The following FGF14 variants were observed in gnomAD, a reference collection of about 807,000 sequenced individuals.
FGF14 encodes fibroblast growth factor 14, also known as fibroblast growth factor homologous factor 4.
FGF14 carries 5 observed loss-of-function variants against 25.5 expected under a neutral mutation model. That is an observed-to-expected ratio of 0.20 (90% CI 0.10 to 0.41). FGF14 has a LOEUF of 0.41. FGF14 is among the 10% of genes least tolerant of loss of function. FGF14 has a pLI of 1.00. For missense variants in FGF14, 222 were observed against 320.1 expected (o/e 0.69, Z 2.34); for synonymous variants, 138 against 118.3 (o/e 1.17, Z -1.08).
rs576244320 is a variant in FGF14, at chr13:101,933,112, A to G, written c.209-57816T>C. ...TGAATTAATTTCAGTAAAGTTAGTG[A>G]TATTTTATATATTCTGTTCTTAATA... On this transcript the variant is annotated intron_variant, in intron 1 of 4. Coordinates refer to the FGF14 transcript ENST00000376131. Among the ~76,000 whole-genome samples the G allele has an allele frequency of 1.1e-4, 16 of 152,314 alleles. No individual in the cohort carries two copies. In the South Asian group the frequency reaches 3.3e-3, roughly 32 times the overall value.
rs188162047 is a variant in FGF14 at position 102,036,683 on chromosome 13, A to G, written c.209-161387T>C. ...ACAGAAGGAGGAGGAGAAGAAGGAG[A>G]AGGAGGAGGATGAGGAGGAGGACGA... On this transcript the variant is annotated intron_variant, in intron 1 of 4. Coordinates refer to the FGF14 transcript ENST00000376131. Among the ~76,000 whole-genome samples the G allele has an allele frequency of 3.2e-3, 479 of 152,046 alleles. 4 individuals carry two copies. The highest frequency in any genetic ancestry group is 7.3e-3 in the South Asian group (35 of 4,822).
At position 102,169,392 on chromosome 13, in the gene FGF14, C is replaced by T. The variant is rs1044794177; in HGVS notation, c.208+232079G>A. On this transcript the variant is annotated intron_variant, in intron 1 of 4. Transcript: ENST00000376131. ...TCAGGCAGCCAATTTCTTTCATGCC[C>T]CTGAGGACAGGACCCAGACTAGAAC... 7.9e-5 allele frequency among the ~76,000 whole-genome samples: 12 copies of T among 152,026 alleles called. No individual in the cohort carries two copies. The South Asian group carries it at 1.0e-3, about 13-fold the overall frequency.
intron 1 of FGF14, among the ~76,000 whole-genome samples, chr13:102,347,360 A>G (rs1401897273): frequency 1.3e-5 from 2 of 152,124 alleles, no homozygotes; most frequent in South Asian, 2.1e-4. Flanking sequence ...GTCCTAAAGG[A>G]GATATGCAGG....
intron 3 of FGF14, among the ~76,000 whole-genome samples, chr13:101,728,964 T>C (rs1204586321): frequency 6.6e-6 from 1 of 152,036 alleles, no homozygotes. Context: ...ATTGTCTCCA[T>C]TATGAATTCA....
At chr13:101,833,649 G>C (rs1263516342) in intron 3 of FGF14, among the ~76,000 whole-genome samples, 1 of 151,992 alleles carries the variant, frequency 6.6e-6, no homozygotes, top group Non-Finnish European at 1.5e-5. Context: ...GTATACATAT[G>C]CATATGTGTG....
rs144913857 is a variant in FGF14 at position 102,067,952 on chromosome 13, A to G, written c.209-192656T>C. Among the ~76,000 whole-genome samples the G allele has an allele frequency of 5.7e-4, 87 of 152,290 alleles. No individual in the cohort carries two copies. The Middle Eastern group carries it at 0.014, about 24-fold the overall frequency. On this transcript the variant is annotated intron_variant, in intron 1 of 4. Transcript: ENST00000376131. The stretch of plus-strand genomic sequence containing the variant: ...ACATAACATACAATAGCACTCCAAT[A>G]CGTCTGGCAGCAGACTTCTCAGTGG...
intron 1 of FGF14, among the ~76,000 whole-genome samples, chr13:101,975,680 G>A (rs1287867567): frequency 3.3e-5 from 5 of 152,142 alleles, no homozygotes; most frequent in East Asian, 1.9e-4. Context: ...TTGCAAAGTC[G>A]TTCCCGCTGA....
intron 3 of FGF14, among the ~76,000 whole-genome samples, chr13:101,751,926 C>A (rs569212702): frequency 5.9e-5 from 9 of 151,766 alleles, no homozygotes; most frequent in Non-Finnish European, 1.2e-4. Context: ...CAAAACAAAA[C>A]AAAAACAAAC....
At chr13:102,329,060 C>T (rs188067356) in intron 1 of FGF14, among the ~76,000 whole-genome samples, 13 of 152,262 alleles carry the variant, frequency 8.5e-5, no homozygotes, top group African/African-American at 2.9e-4. Context: ...TCTGTACATC[C>T]TCCTCTCTGG....
intron 1 of FGF14, among the ~76,000 whole-genome samples, chr13:102,368,812 T>C (rs2057790610): frequency 2.0e-5 from 3 of 152,242 alleles, no homozygotes; most frequent in Admixed American, 6.5e-5. Flanking sequence ...ATCAGGTCTT[T>C]TGTCCCATGA....
Position 101,714,448 on chromosome 13 carries a change from T to C in FGF14, c.*8383A>G, listed in dbSNP as rs374252386. 18 of 1,600,382 alleles carry C rather than the reference T, an allele frequency of 1.1e-5. No homozygotes were observed. The highest frequency in any genetic ancestry group is 2.7e-5 in the African/African-American group (2 of 74,700). ...CCTTTGTAATTTCAGGTTCTTGTCA[T>C]TGTGGGAAGTGCATTTGTTCTGCTG... On this transcript the variant is annotated 3_prime_UTR_variant, in exon 5 of 5. Transcript: ENST00000376143.
intron 3 of FGF14, among the ~76,000 whole-genome samples, chr13:101,854,918 C>T (rs1170339504): frequency 6.6e-6 from 1 of 151,886 alleles, no homozygotes; most frequent in Non-Finnish European, 1.5e-5. Context: ...GCAGGAAAAT[C>T]CCTTAACTAT....
At position 102,067,183 on chromosome 13, in the gene FGF14, A is replaced by C. The variant is rs147053587; in HGVS notation, c.209-191887T>G. 2.8e-3 allele frequency among the ~76,000 whole-genome samples: 420 copies of C among 152,292 alleles called. 1 individual carries two copies. Among genetic ancestry groups the C allele is most frequent in the Non-Finnish European group, 4.7e-3 (319 of 68,018 alleles). On this transcript the variant is annotated intron_variant, in intron 1 of 4. Transcript: ENST00000376131. The stretch of plus-strand genomic sequence containing the variant: ...ATTTGGATTTATTTCAACTGATAGG[A>C]TCATCAAAAGGCCATTTGGGAATTG...
Position 102,017,539 on chromosome 13 carries a change from T to C in FGF14, c.209-142243A>G, listed in dbSNP as rs562839794. 2.0e-5 allele frequency among the ~76,000 whole-genome samples: 3 copies of C among 152,286 alleles called. No homozygotes were observed. In the East Asian group the frequency reaches 5.8e-4, roughly 29 times the overall value. On this transcript the variant is annotated intron_variant, in intron 1 of 4. Transcript: ENST00000376131. ...CTCTTCTCTCTATAGAAGTCCTTAT[T>C]ATTTTCTCTTTATCATTAGAATTCC...
At chr13:102,006,786 G>T (rs1046767113) in intron 1 of FGF14, among the ~76,000 whole-genome samples, 1 of 127,918 alleles carries the variant, frequency 7.8e-6, no homozygotes, top group Non-Finnish European at 1.5e-5. Flanking sequence ...CGCCCAGGTC[G>T]GACTGCGGAC....
At chr13:101,748,785 T>C (rs968782057) in intron 3 of FGF14, among the ~76,000 whole-genome samples, 12 of 143,648 alleles carry the variant, frequency 8.4e-5, no homozygotes, top group Non-Finnish European at 1.7e-4. Context: ...ATAGAATTAC[T>C]ATATAATCCA....
chr13:102,019,315 G>A lies in FGF14; in HGVS notation c.209-144019C>T, dbSNP rs75610943. 4.0e-3 allele frequency among the ~76,000 whole-genome samples: 609 copies of A among 152,212 alleles called. 4 individuals carry two copies. The highest frequency in any genetic ancestry group is 0.014 in the African/African-American group (576 of 41,558). On this transcript the variant is annotated intron_variant, in intron 1 of 4. Coordinates refer to the FGF14 transcript ENST00000376131. ...TCTTCTGCTCTATGTCATGATTCAC[G>A]AGGGTTCTGCTGACCTGTTTCCAGG...
chr13:102,104,772 C>T (rs549755777), intron 1 of FGF14, among the ~76,000 whole-genome samples: 8 of 152,032 alleles, frequency 5.3e-5, no homozygotes, highest in Non-Finnish European at 2.9e-5. Context: ...GACAACAGAA[C>T]GAGACCCTAT....
chr13:102,223,509 G>C (rs1272125348), intron 1 of FGF14, among the ~76,000 whole-genome samples: 1 of 152,130 alleles, frequency 6.6e-6, no homozygotes, highest in Non-Finnish European at 1.5e-5. Flanking sequence ...CTCTTATTTA[G>C]ATTTGATATG....
Sources: gnomAD v4.1 joint callset for allele counts (sites outside exome capture counted in the v4.1 genomes callset) on GRCh38, gnomAD v4.1.1 for gene constraint, MANE v1.5 for transcripts, NCBI Gene and HGNC (gene_info 2026-07-23, HGNC 2026-07-21) for gene names.